EFCAB6: variants seen among roughly 807,000 people sequenced by gnomAD.
EFCAB6 encodes the protein EF-hand calcium-binding domain-containing protein 6.
Under a neutral mutation model 169.8 loss-of-function variants are expected in EFCAB6, and 156 were observed. That is an observed-to-expected ratio of 0.92 (90% confidence interval 0.81 to 1.05). The LOEUF (loss-of-function observed/expected upper bound fraction) is 1.05. Ranked by LOEUF, EFCAB6 falls within the 50% of genes least tolerant of loss-of-function variation. EFCAB6 has a pLI of 0.00. For missense variants in EFCAB6, 1,800 were observed against 1,829.1 expected, an observed-to-expected ratio of 0.98 and a Z score of 0.29; for synonymous variants, 698 against 676.4, an observed-to-expected ratio of 1.03 and a Z score of -0.50.
intron 5 of EFCAB6, among the ~76,000 whole-genome samples, chr22:43,761,540 A>T (rs980263575): frequency 7.2e-5 from 11 of 152,242 alleles, no homozygotes; most frequent in Admixed American, 3.9e-4. Context: ...ACTTCTTCAA[A>T]TATTCATTTT....
chr22:43,693,446 C>A (rs948359636), intron 10 of EFCAB6, among the ~76,000 whole-genome samples: 7 of 150,206 alleles, frequency 4.7e-5, no homozygotes, highest in Non-Finnish European at 8.9e-5. Flanking sequence ...CTTGCAAGGT[C>A]ATCAAAAAAC....
intron 26 of EFCAB6, among the ~76,000 whole-genome samples, chr22:43,571,828 C>A (rs887369256): frequency 3.3e-5 from 5 of 152,176 alleles, no homozygotes; most frequent in Non-Finnish European, 5.9e-5. Flanking sequence ...CACGGTCACC[C>A]CCCTCCTCCT....
At chr22:43,798,550 A>G (rs2062593995) in intron 2 of EFCAB6, among the ~76,000 whole-genome samples, 2 of 152,106 alleles carry the variant, frequency 1.3e-5, no homozygotes, top group African/African-American at 4.8e-5. Context: ...TCATAGCCTT[A>G]GTCCAGTTTG....
intron 17 of EFCAB6, among the ~76,000 whole-genome samples, chr22:43,641,005 C>T (rs1422749010): frequency 6.6e-6 from 1 of 152,142 alleles, no homozygotes; most frequent in Non-Finnish European, 1.5e-5. Context: ...GCTTCCATAC[C>T]CCTTCTGTTT....
At chr22:43,750,988 C>T (rs1428055467) in intron 6 of EFCAB6, among the ~76,000 whole-genome samples, 4 of 152,190 alleles carry the variant, frequency 2.6e-5, no homozygotes, top group African/African-American at 7.2e-5. Flanking sequence ...CCAACAGACA[C>T]GCTTGTCACA....
rs571548353 is a variant in EFCAB6 at position 43,714,585 on chromosome 22, G to A, written c.882+2263C>T. On this transcript the variant is annotated intron_variant, in intron 9 of 31. Transcript: ENST00000262726. ...TAAAAAAAGAAATCACCTACAAGGG[G>A]GAAAGAATTCCGGCTGACTCCAGGT... is the stretch of plus-strand genomic sequence containing the variant. 5.3e-5 allele frequency among the ~76,000 whole-genome samples: 8 copies of A among 151,328 alleles called. No individual in the cohort carries two copies. In the South Asian group the frequency reaches 1.5e-3, roughly 28 times the overall value.
intron 21 of EFCAB6, among the ~76,000 whole-genome samples, chr22:43,614,680 T>C (rs2053570865): frequency 6.6e-6 from 1 of 152,180 alleles, no homozygotes; most frequent in South Asian, 2.1e-4. Flanking sequence ...GTCTGTGGGA[T>C]TGGTTGGTGT....
chr22:43,656,888 G>A (rs542846937), intron 17 of EFCAB6, among the ~76,000 whole-genome samples: 2 of 152,330 alleles, frequency 1.3e-5, no homozygotes, highest in South Asian at 2.1e-4. Flanking sequence ...CTAACGATGC[G>A]TTTCTCAGAA....
intron 17 of EFCAB6, among the ~76,000 whole-genome samples, chr22:43,641,956 T>A (rs968147339): frequency 6.6e-6 from 1 of 152,260 alleles, no homozygotes; most frequent in African/African-American, 2.4e-5. Flanking sequence ...GGCTTTTTTT[T>A]TGAGATGGAG....
chr22:43,534,691 C>A lies in EFCAB6; in HGVS notation c.4230G>T (p.Lys1410Asn). The change falls in exon 30 of 32, where the codon AAG (lysine) becomes AAT (asparagine). Residue 1410 changes from lysine (K) to asparagine (N), a missense_variant. Physicochemically the swap from Lys to Asn is moderately conservative, Grantham distance 94. Coordinates refer to ENST00000262726, the MANE Select transcript of EFCAB6 (RefSeq NM_022785.4). ...TTCCTGCAGGTGGGCAACATACCAT[C>A]TTGTGTGCATTCTGGATCTTCATCC... ...MHRMKIQNAH[K>N]MKEAGAETPS... is the part of the protein sequence containing the mutation. 6.2e-7 allele frequency: 1 copy of A among 1,601,918 alleles called. No individual in the cohort carries two copies.
rs118046641 is a variant in EFCAB6, at chr22:43,686,449, T to C, written c.1142+1022A>G. Among the ~76,000 whole-genome samples the C allele has an allele frequency of 7.0e-3, 1,073 of 152,336 alleles. 12 individuals are homozygous for C. The highest frequency in any genetic ancestry group is 0.011 in the Non-Finnish European group (735 of 68,030). On this transcript the variant is annotated intron_variant, in intron 11 of 31. Coordinates refer to ENST00000262726, the MANE Select transcript of EFCAB6 (RefSeq NM_022785.4). ...CAAAAATGTCTGTGACATTGCCAGA[T>C]ATCTCCTGGGAGGAAAAATTGTCCC...
Position 43,603,899 on chromosome 22 carries a change from G to C in EFCAB6, c.2682-3636C>G, listed in dbSNP as rs145329675. On this transcript the variant is annotated intron_variant, in intron 22 of 31. Coordinates refer to ENST00000262726, the MANE Select transcript of EFCAB6 (RefSeq NM_022785.4). ...AATTGTAATCCCCAGTGTTGGAGAT[G>C]GGGCCTAGTGGGAGGTGACTGGATC... 3.9e-3 allele frequency among the ~76,000 whole-genome samples: 588 copies of C among 152,316 alleles called. 3 individuals are homozygous for C. The highest frequency in any genetic ancestry group is 0.014 in the Middle Eastern group (4 of 294).
intron 5 of EFCAB6, among the ~76,000 whole-genome samples, chr22:43,757,554 A>G (rs1013913271): frequency 3.3e-5 from 5 of 152,180 alleles, no homozygotes; most frequent in Admixed American, 6.5e-5. Context: ...TCTCAAACAA[A>G]AAAAGGAATT....
rs181964463 is a variant in EFCAB6 at position 43,667,299 on chromosome 22, C to T, written c.1815-27G>A. On this transcript the variant is annotated intron_variant, in intron 16 of 31. Coordinates refer to ENST00000262726, the MANE Select transcript of EFCAB6 (RefSeq NM_022785.4). ...TAAAATCACAAGCAGGCATTTAGACCCAGTGTCAACTGACACACGCAGGGT... is the reference window on the plus strand; with the variant it reads ...TAAAATCACAAGCAGGCATTTAGACTCAGTGTCAACTGACACACGCAGGGT... 1.0e-3 allele frequency: 1,646 copies of T among 1,607,034 alleles called. 2 individuals carry two copies. The highest frequency in any genetic ancestry group is 2.3e-3 in the Admixed American group (136 of 59,370).
At chr22:43,560,157 T>C (rs1160569370) in intron 26 of EFCAB6, among the ~76,000 whole-genome samples, 1 of 152,190 alleles carries the variant, frequency 6.6e-6, no homozygotes, top group Non-Finnish European at 1.5e-5. Context: ...AAAAGAGAAA[T>C]CCTTTCTCAA....
At chr22:43,643,157 G>A (rs2055915142) in intron 17 of EFCAB6, among the ~76,000 whole-genome samples, 1 of 152,180 alleles carries the variant, frequency 6.6e-6, no homozygotes, top group Non-Finnish European at 1.5e-5. Context: ...GCCGCCCCAG[G>A]ACTGAATGAC....
At chr22:43,546,288 G>A (rs1342202764) in intron 27 of EFCAB6, among the ~76,000 whole-genome samples, 2 of 152,172 alleles carry the variant, frequency 1.3e-5, no homozygotes, top group Non-Finnish European at 2.9e-5. Flanking sequence ...ATGAGACACA[G>A]TTGAGGAGAG....
At chr22:43,636,003 C>G (rs1279321569) in intron 17 of EFCAB6, among the ~76,000 whole-genome samples, 3 of 152,238 alleles carry the variant, frequency 2.0e-5, no homozygotes, top group Non-Finnish European at 2.9e-5. Context: ...ATGGAAGGCA[C>G]CACCTCTGCT....
At chr22:43,530,749 A>G in intron 31 of EFCAB6, 66 bp downstream of exon 31, 2 of 1,599,610 alleles carry the variant, frequency 1.3e-6, no homozygotes, top group East Asian at 4.5e-5. Context: ...CCCCGTGGGA[A>G]GTTTCTGGCC....
Sources: gnomAD v4.1 joint callset for allele counts (sites outside exome capture counted in the v4.1 genomes callset) on GRCh38, gnomAD v4.1.1 for gene constraint, MANE v1.5 for transcripts, NCBI Gene and HGNC (gene_info 2026-07-23, HGNC 2026-07-21) for gene names.